SV2C: variants seen among roughly 807,000 people sequenced by gnomAD.
SV2C encodes synaptic vesicle glycoprotein 2C, also known as solute carrier family 22 member B3.
A neutral mutation model predicts 79.7 loss-of-function variants in SV2C; 49 were observed. The observed-to-expected ratio is 0.61, with a 90% CI of 0.49 to 0.78. The LOEUF (loss-of-function observed/expected upper bound fraction) is 0.78, where lower values mean the gene tolerates loss of function less well. Among genes scored for constraint, SV2C ranks in the 30% least tolerant of loss-of-function variants. The probability of loss-of-function intolerance (pLI) is 0.00; values close to 1 mark genes in which losing one functional copy is unlikely to be tolerated. For synonymous variants in SV2C, 334 were observed against 333.2 expected (o/e 1.00, Z -0.03); for missense variants, 833 against 912.9 (o/e 0.91, Z 1.13).
chr5:76,183,438 C>G (rs935287164), intron 2 of SV2C, among the ~76,000 whole-genome samples: 1 of 152,000 alleles, frequency 6.6e-6, no homozygotes, highest in African/African-American at 2.4e-5. Flanking sequence ...TCAAACCCAT[C>G]CAAATCTCAT....
At chr5:76,208,691 A>G (rs1342111376) in intron 3 of SV2C, among the ~76,000 whole-genome samples, 1 of 152,268 alleles carries the variant, frequency 6.6e-6, no homozygotes, top group Non-Finnish European at 1.5e-5. Context: ...ATAGCAATTT[A>G]CCTTACAGAA....
chr5:75,984,993 A>G, the SV2C span, among the ~76,000 whole-genome samples: 2 of 151,988 alleles, frequency 1.3e-5, no homozygotes, highest in African/African-American at 2.4e-5. Flanking sequence ...GCTATAACAG[A>G]ATACTTGAGG....
At chr5:76,294,698 A>C (rs944517920) in intron 8 of SV2C, among the ~76,000 whole-genome samples, 2 of 152,138 alleles carry the variant, frequency 1.3e-5, no homozygotes, top group African/African-American at 4.8e-5. Flanking sequence ...AGTATATCTC[A>C]GTTTGAACCA....
At position 76,086,850 on chromosome 5, in the gene SV2C, A is replaced by T. The variant is rs137864191; in HGVS notation, c.-102+3338A>T. On this transcript the variant is annotated intron_variant, in intron 1 of 12. Transcript: ENST00000502798. ...ATGTCTTAATGGGATACTAAAACACAATTTTATTTTATTACAAACAACCCC... is the reference window on the plus strand; with the variant it reads ...ATGTCTTAATGGGATACTAAAACACTATTTTATTTTATTACAAACAACCCC... Among the ~76,000 whole-genome samples the T allele has an allele frequency of 4.2e-3, 639 of 152,346 alleles. 4 individuals carry two copies. Among genetic ancestry groups the T allele is most frequent in the African/African-American group, 0.015 (611 of 41,580 alleles).
chr5:76,340,120 C>T (rs1378134382), intron 12 of SV2C, among the ~76,000 whole-genome samples: 10 of 152,300 alleles, frequency 6.6e-5, no homozygotes, highest in East Asian at 1.9e-4. Flanking sequence ...CTCCCTCCAG[C>T]GCCATGACAG....
At chr5:75,998,191 C>T in the SV2C span, among the ~76,000 whole-genome samples, 70,019 of 151,622 alleles carry the variant, frequency 0.46, 16,987 homozygotes, top group Middle Eastern at 0.63. Context: ...GGGCCTGATA[C>T]GGGGTGGGAG....
At chr5:76,009,472 G>A in the SV2C span, among the ~76,000 whole-genome samples, 68,456 of 152,064 alleles carry the variant, frequency 0.45, 17,470 homozygotes, top group Middle Eastern at 0.6. Context: ...CATGTTCATC[G>A]CAGCACTATT....
At position 76,244,736 on chromosome 5, in the gene SV2C, T is replaced by C. The variant is rs192794182; in HGVS notation, c.913+34849T>C. 1.5e-4 allele frequency among the ~76,000 whole-genome samples: 23 copies of C among 152,330 alleles called. No homozygotes were observed. In the Middle Eastern group the frequency reaches 0.01, roughly 68 times the overall value. On this transcript the variant is annotated intron_variant, in intron 4 of 12. Coordinates refer to ENST00000502798, the MANE Select transcript of SV2C (RefSeq NM_014979.4). ...AAGTTGATCCAAACATACTTAATGGTTTTTGAATCACTGAATCAAGTTAAA... is the reference window on the plus strand; with the variant it reads ...AAGTTGATCCAAACATACTTAATGGCTTTTGAATCACTGAATCAAGTTAAA...
chr5:76,095,387 G>C (rs939794181), intron 1 of SV2C, among the ~76,000 whole-genome samples: 3 of 152,012 alleles, frequency 2.0e-5, no homozygotes, highest in African/African-American at 7.2e-5. Flanking sequence ...CAGAGTTTCA[G>C]TTTCTTCTTA....
At chr5:75,986,665 A>G in the SV2C span, among the ~76,000 whole-genome samples, 1 of 152,032 alleles carries the variant, frequency 6.6e-6, no homozygotes, top group Non-Finnish European at 1.5e-5. Flanking sequence ...GTTTTAGGAC[A>G]GTCTTCGAAG....
At chr5:76,109,644 A>G (rs1340161981) in intron 1 of SV2C, among the ~76,000 whole-genome samples, 2 of 152,140 alleles carry the variant, frequency 1.3e-5, no homozygotes, top group Non-Finnish European at 2.9e-5. Context: ...GAAAAGAGAG[A>G]AATTTGGCAC....
the SV2C span, among the ~76,000 whole-genome samples, chr5:75,905,097 A>G: frequency 2.0e-5 from 3 of 152,352 alleles, no homozygotes; most frequent in South Asian, 6.2e-4. Flanking sequence ...TAGTCCTGCC[A>G]TATTATATTA....
intron 1 of SV2C, among the ~76,000 whole-genome samples, chr5:76,090,193 C>A (rs2112094983): frequency 6.6e-6 from 1 of 152,286 alleles, no homozygotes; most frequent in Non-Finnish European, 1.5e-5. Flanking sequence ...GGGTCTTTAG[C>A]CTTAACAGTC....
chr5:75,861,750 G>C, the SV2C span, among the ~76,000 whole-genome samples: 1 of 152,184 alleles, frequency 6.6e-6, no homozygotes, highest in South Asian at 2.1e-4. Context: ...TCACTTATAA[G>C]TGGGAGCTAA....
chr5:76,245,457 G>C (rs371879742), intron 4 of SV2C, among the ~76,000 whole-genome samples: 5 of 152,272 alleles, frequency 3.3e-5, no homozygotes, highest in African/African-American at 9.6e-5. Context: ...AAGAAAACAC[G>C]ATCAGACTTA....
chr5:75,903,324 C>G, the SV2C span, among the ~76,000 whole-genome samples: 2,485 of 151,472 alleles, frequency 0.016, 35 homozygotes, highest in African/African-American at 0.043. Context: ...GTGATAGGAC[C>G]CTTGAGTGTT....
At chr5:76,122,761 A>G (rs1366817688) in intron 1 of SV2C, among the ~76,000 whole-genome samples, 1 of 152,154 alleles carries the variant, frequency 6.6e-6, no homozygotes, top group African/African-American at 2.4e-5. Flanking sequence ...AATGCCCACA[A>G]GGGAAAGGAG....
At chr5:76,244,925 G>A (rs1013023553) in intron 4 of SV2C, among the ~76,000 whole-genome samples, 9 of 152,184 alleles carry the variant, frequency 5.9e-5, no homozygotes, top group African/African-American at 2.2e-4. Flanking sequence ...CATTCATGAA[G>A]AGATCATATA....
At chr5:75,981,419 A>G in the SV2C span, among the ~76,000 whole-genome samples, 11,117 of 152,188 alleles carry the variant, frequency 0.073, 1,169 homozygotes, top group African/African-American at 0.23. Context: ...AGGCAATCCT[A>G]AGCAAAAAGA....
Sources: gnomAD v4.1 joint callset for allele counts (sites outside exome capture counted in the v4.1 genomes callset) on GRCh38, gnomAD v4.1.1 for gene constraint, MANE v1.5 for transcripts, NCBI Gene and HGNC (gene_info 2026-07-23, HGNC 2026-07-21) for gene names.